Variants in RXRB observed in about 807,000 individuals in gnomAD.
RXRB encodes retinoid X receptor beta, also known as retinoic acid receptor RXR-beta.
A neutral mutation model predicts 52.5 loss-of-function variants in RXRB; 18 were observed. The observed-to-expected ratio is 0.34, with a 90% CI of 0.24 to 0.51. RXRB has a LOEUF of 0.51. RXRB is among the 20% of genes least tolerant of loss of function. The probability of loss-of-function intolerance (pLI) is 0.97; values close to 1 mark genes in which losing one functional copy is unlikely to be tolerated. For synonymous variants in RXRB, 233 were observed against 267.1 expected, an observed-to-expected ratio of 0.87 and a Z score of 1.25; for missense variants, 455 against 698.2, an observed-to-expected ratio of 0.65 and a Z score of 3.92.
chr6:33,200,201 A>G lies in RXRB; in HGVS notation c.235+41T>C. The G allele has an allele frequency of 6.3e-7, 1 of 1,598,002 alleles. No individual in the cohort carries two copies. Among genetic ancestry groups the G allele is most frequent in the Non-Finnish European group, 8.5e-7 (1 of 1,172,622 alleles). On this transcript the variant is annotated intron_variant, in intron 1 of 9. Coordinates refer to ENST00000374680, the MANE Select transcript of RXRB (RefSeq NM_021976.5). The surrounding 1 kb of genome is among the most constrained non-coding windows in gnomAD (Gnocchi z 6.3). ...GGTGTGGGGGAGGGGTCGCAGATAA[A>G]GCGGTCACTGGCTCGCCTGCCCTTC...
chr6:33,199,625 T>A, intron 1 of RXRB: 2 of 503,614 alleles, frequency 4.0e-6, no homozygotes, highest in Middle Eastern at 1.1e-3. Context: ...TAGTGGGTTA[T>A]CAGAACTTAT....
rs756980140 is a variant in RXRB at position 33,195,843 on chromosome 6, T to C, written c.1123+64A>G. ...CGCAAGGTAAGGCCACTGGGGTCACTAAAGATCGGGAAGTCAAAGAGGGGT... is the reference window on the plus strand; with the variant it reads ...CGCAAGGTAAGGCCACTGGGGTCACCAAAGATCGGGAAGTCAAAGAGGGGT... On this transcript the variant is annotated intron_variant, in intron 6 of 9. Transcript: ENST00000374680. The surrounding 1 kb of genome is among the most constrained non-coding windows in gnomAD (Gnocchi z 8.6). 11 of 1,606,244 alleles carry C rather than the reference T, an allele frequency of 6.8e-6. No homozygotes were observed. The highest frequency in any genetic ancestry group is 9.3e-6 in the Non-Finnish European group (11 of 1,177,748).
rs766172415 is a variant in RXRB at position 33,195,509 on chromosome 6, C to T, written c.1257-55G>A. 18 of 1,612,534 alleles carry T rather than the reference C, an allele frequency of 1.1e-5. No individual in the cohort carries two copies. The highest frequency in any genetic ancestry group is 1.6e-4 in the Middle Eastern group (1 of 6,082). ...GTCACAGCTCAGCCAGCCTTGGACACGGACCAGCCTATAGCCCCACCCCCT... is the reference window on the plus strand; with the variant it reads ...GTCACAGCTCAGCCAGCCTTGGACATGGACCAGCCTATAGCCCCACCCCCT... On this transcript the variant is annotated intron_variant, in intron 7 of 9. Transcript: ENST00000374680. The surrounding 1 kb of genome is among the most constrained non-coding windows in gnomAD (Gnocchi z 8.6).
Position 33,195,529 on chromosome 6 carries a change from C to T in RXRB, c.1256+41G>A. On this transcript the variant is annotated intron_variant, in intron 7 of 9. Transcript: ENST00000374680. The surrounding 1 kb of genome is among the most constrained non-coding windows in gnomAD (Gnocchi z 8.6). Reference sequence around the variant, plus strand: ...GGACACGGACCAGCCTATAGCCCCACCCCCTCTATCTACATGCCAGCCTAG... The same window carrying T: ...GGACACGGACCAGCCTATAGCCCCATCCCCTCTATCTACATGCCAGCCTAG... 2 of 1,613,030 alleles carry T rather than the reference C, an allele frequency of 1.2e-6. No individual in the cohort carries two copies. Among genetic ancestry groups the T allele is most frequent in the African/African-American group, 1.3e-5 (1 of 75,044 alleles).
intron 3 of RXRB, 130 bp downstream of exon 3, chr6:33,198,178 A>T: frequency 7.4e-7 from 1 of 1,350,488 alleles, no homozygotes; most frequent in Non-Finnish European, 1.1e-6. Flanking sequence ...TCTCAGCTTC[A>T]GCTTCTTTAC....
chr6:33,195,167 G>A lies in RXRB; in HGVS notation c.1349-117C>T. ...GGCTGCACTTGCTTGCCCTTTACCA[G>A]AGGCCTGGCAAGGGAAGCAGGGCCC... On this transcript the variant is annotated intron_variant, in intron 8 of 9. Coordinates refer to ENST00000374680, the MANE Select transcript of RXRB (RefSeq NM_021976.5). This position sits in a 1 kb window ranked among gnomAD's most constrained non-coding sequence, Gnocchi z 8.6. 1 of 851,798 alleles carries A rather than the reference G, an allele frequency of 1.2e-6. No individual in the cohort carries two copies. Among genetic ancestry groups the A allele is most frequent in the Non-Finnish European group, 1.9e-6 (1 of 515,660 alleles). 52.8% of individuals were successfully genotyped at this position (851,798 alleles called of 1,614,324 possible).
intron 1 of RXRB, chr6:33,199,731 A>G: frequency 2.3e-6 from 1 of 427,556 alleles, no homozygotes; most frequent in South Asian, 2.2e-5. Flanking sequence ...CATTGTGGTG[A>G]GAGGAGGGAG....
Position 33,200,398 on chromosome 6 carries a change from CT to C in RXRB, c.78del (p.Glu27LysfsTer153). On this transcript the variant is annotated frameshift_variant, in exon 1 of 10. Coordinates refer to ENST00000374680, the MANE Select transcript of RXRB (RefSeq NM_021976.5). LOFTEE classifies it high-confidence loss of function. This position sits in a 1 kb window ranked among gnomAD's most constrained non-coding sequence, Gnocchi z 6.3. Reference protein sequence around the residue: ...AGQCGPVGVRKEMHCGVASRW... With the variant: ...AGQCGPVGVRXEMHCGVASRW... ...CGGGACGCGACCCCACAATGCATTT[CT>C]TTTCGCACCCCCACCGGCCCACACT... is the stretch of plus-strand genomic sequence containing the variant. 6.4e-7 allele frequency: 1 copy of C among 1,567,258 alleles called. No individual in the cohort carries two copies. Among genetic ancestry groups the C allele is most frequent in the Non-Finnish European group, 8.6e-7 (1 of 1,158,068 alleles).
Position 33,199,393 on chromosome 6 carries a change from A to G in RXRB, c.259T>C (p.Ser87Pro), listed in dbSNP as rs1015526200. 8.0e-7 allele frequency: 1 copy of G among 1,251,908 alleles called. No homozygotes were observed. The highest frequency in any genetic ancestry group is 1.0e-6 in the Non-Finnish European group (1 of 989,924). The allele number at this position is 1,251,908 out of a possible 1,614,324, so 77.5% of individuals were successfully genotyped here. ...ACTCCCTGGGGAAGGGGATTTGGGG[A>G]GGAGCTGTCTGGGCTTCGGGAGTCT... ...GRDSRSPDSS[S>P]PNPLPQGVPP... The change falls in exon 2 of 10, where the codon TCC (serine) becomes CCC (proline). Residue 87 changes from serine (S) to proline (P), a missense_variant. Physicochemically the swap from Ser to Pro is moderately conservative, Grantham distance 74 (BLOSUM62 -1). Transcript: ENST00000374680.
At position 33,196,529 on chromosome 6, in the gene RXRB, G is replaced by A; in HGVS notation, c.898C>T (p.Pro300Ser). 6.2e-7 allele frequency: 1 copy of A among 1,612,838 alleles called. No individual in the cohort carries two copies. Among genetic ancestry groups the A allele is most frequent in the South Asian group, 1.1e-5 (1 of 91,078 alleles). ...TCTGCCTCCAGGATCCTGTCCACAG[G>A]CATCTCCTCGGGGGCTCCCCCAGCC... ...EGAGGAPEEMPVDRILEAELA... is the reference protein window; with the variant it reads ...EGAGGAPEEMSVDRILEAELA... The change falls in exon 5 of 10, where the codon CCT (proline) becomes TCT (serine). Residue 300 changes from proline to serine, a missense_variant. This residue lies in a region of RXRB where 100 missense variants were observed against 141.9 expected (regional missense o/e 0.70). Coordinates refer to ENST00000374680, the MANE Select transcript of RXRB (RefSeq NM_021976.5). The surrounding 1 kb of genome is among the most constrained non-coding windows in gnomAD (Gnocchi z 4.0).
In RXRB at chr6:33,194,959, A is replaced by T; in HGVS notation, c.1440T>A (p.Pro480=). ...SLETYCKQKY[P]EQQGRFAKLL... ...CCCCATCTCACCGTCCCTGCTGCTC[A>T]GGGTACTTCTGTTTGCAGTAGGTCT... The change falls in exon 9 of 10, where the codon CCT becomes CCA. Residue 480 remains proline (P), a synonymous_variant. Coordinates refer to ENST00000374680, the MANE Select transcript of RXRB (RefSeq NM_021976.5). The surrounding 1 kb of genome is among the most constrained non-coding windows in gnomAD (Gnocchi z 4.1). 1 of 1,612,650 alleles carries T rather than the reference A, an allele frequency of 6.2e-7. No homozygotes were observed. Among genetic ancestry groups the T allele is most frequent in the African/African-American group, 1.3e-5 (1 of 74,998 alleles).
rs1774024240 is a variant in RXRB, at chr6:33,197,719, A to G, written c.820+43T>C. The G allele has an allele frequency of 6.3e-7, 1 of 1,591,704 alleles. No individual in the cohort carries two copies. Among genetic ancestry groups the G allele is most frequent in the Non-Finnish European group, 8.6e-7 (1 of 1,162,146 alleles). On this transcript the variant is annotated intron_variant, in intron 4 of 9. Coordinates refer to ENST00000374680, the MANE Select transcript of RXRB (RefSeq NM_021976.5). This position sits in a 1 kb window ranked among gnomAD's most constrained non-coding sequence, Gnocchi z 4.4. The stretch of plus-strand genomic sequence containing the variant: ...ACACAGTCTGAGTGGGATAAGGGAG[A>G]AGGGCATGTGGTCTAAGACGCCTGG...
At position 33,197,625 on chromosome 6, in the gene RXRB, T is replaced by C; in HGVS notation, c.820+137A>G. On this transcript the variant is annotated intron_variant, in intron 4 of 9. Coordinates refer to ENST00000374680, the MANE Select transcript of RXRB (RefSeq NM_021976.5). This position sits in a 1 kb window ranked among gnomAD's most constrained non-coding sequence, Gnocchi z 4.4. ...AGAACAGGGTAACAGGGAGGAGAGC[T>C]GCGAAGGGAGAGAGAAATCAAATAT... The C allele has an allele frequency of 1.3e-6, 1 of 793,976 alleles. No homozygotes were observed. Among genetic ancestry groups the C allele is most frequent in the Non-Finnish European group, 2.0e-6 (1 of 508,436 alleles). 49.2% of individuals were successfully genotyped at this position (793,976 alleles called of 1,614,324 possible). A position where few individuals can be genotyped will look rare whatever the true frequency, so the allele number is the denominator to read the frequency against.
chr6:33,199,872 C>A lies in RXRB; in HGVS notation c.235+370G>T, dbSNP rs934883813. ...GCACGTGGGGTAGACCATCGAGCCC[C>A]TCTATTCCCAGCGTAAAGCCAGGTA... On this transcript the variant is annotated intron_variant, in intron 1 of 9. Transcript: ENST00000374680. The A allele has an allele frequency of 1.6e-5, 10 of 636,070 alleles. No individual in the cohort carries two copies. The African/African-American group carries it at 1.8e-4, about 11-fold the overall frequency. 39.4% of individuals were successfully genotyped at this position (636,070 alleles called of 1,614,324 possible).
chr6:33,196,261 G>T lies in RXRB; in HGVS notation c.993+173C>A. 1.1e-6 allele frequency: 1 copy of T among 913,506 alleles called. No individual in the cohort carries two copies. The highest frequency in any genetic ancestry group is 1.8e-6 in the Non-Finnish European group (1 of 558,398). The allele number at this position is 913,506 out of a possible 1,614,324, so 56.6% of individuals were successfully genotyped here. Reference sequence around the variant, plus strand: ...GTTGTTTGGGGAGTGGAGACAGAAGGAGCTATCACATCCACCTCAGATGTT... The same window carrying T: ...GTTGTTTGGGGAGTGGAGACAGAAGTAGCTATCACATCCACCTCAGATGTT... On this transcript the variant is annotated intron_variant, in intron 5 of 9. Transcript: ENST00000374680. This position sits in a 1 kb window ranked among gnomAD's most constrained non-coding sequence, Gnocchi z 4.0.
chr6:33,198,121 AC>A (rs1774062125), intron 3 of RXRB, among the ~76,000 whole-genome samples, 180 bp from the exon 4 acceptor site: 1 of 152,148 alleles, frequency 6.6e-6, no homozygotes, highest in African/African-American at 2.4e-5. Flanking sequence ...GAAACCCTAC[AC>A]GCTGCTTCCT....
In RXRB at chr6:33,197,798, A is replaced by G; in HGVS notation, c.784T>C (p.Tyr262His). The G allele has an allele frequency of 6.2e-7, 1 of 1,614,006 alleles. No homozygotes were observed. The highest frequency in any genetic ancestry group is 8.5e-7 in the Non-Finnish European group (1 of 1,180,034). The change falls in exon 4 of 10, where the codon TAT (tyrosine) becomes CAT (histidine). Residue 262 changes from tyrosine to histidine, a missense_variant. Physicochemically the swap from Tyr to His is moderately conservative, Grantham distance 83 (BLOSUM62 2). Coordinates refer to ENST00000374680, the MANE Select transcript of RXRB (RefSeq NM_021976.5). The surrounding 1 kb of genome is among the most constrained non-coding windows in gnomAD (Gnocchi z 4.4). Reference sequence around the variant, plus strand: ...ATGCCAGTGGCCAGGCACTTCTGATAGCGGCAGTACTGACAGCGGTTCCGC... The same window carrying G: ...ATGCCAGTGGCCAGGCACTTCTGATGGCGGCAGTACTGACAGCGGTTCCGC... ...RQRNRCQYCR[Y>H]QKCLATGMKR...
intron 2 of RXRB, among the ~76,000 whole-genome samples, chr6:33,198,821 G>A (rs1474624357): frequency 1.3e-5 from 2 of 150,944 alleles, no homozygotes; most frequent in Non-Finnish European, 2.9e-5. Context: ...GGCTGAGGCA[G>A]GAGAATTGCT....
chr6:33,194,404 C>G lies in RXRB; in HGVS notation c.*278G>C. 2.2e-6 allele frequency: 1 copy of G among 451,872 alleles called. No homozygotes were observed. Among genetic ancestry groups the G allele is most frequent in the Non-Finnish European group, 3.9e-6 (1 of 254,096 alleles). The allele number at this position is 451,872 out of a possible 1,614,324, so 28.0% of individuals were successfully genotyped here. A position where few individuals can be genotyped will look rare whatever the true frequency, so the allele number is the denominator to read the frequency against. On this transcript the variant is annotated 3_prime_UTR_variant, in exon 10 of 10. Transcript: ENST00000374680. The surrounding 1 kb of genome is among the most constrained non-coding windows in gnomAD (Gnocchi z 4.1). ...CCAGTGCTTTGTGCTGGGGGAAGGA[C>G]AGAGGGTGAGAAATCACCCCAAATC...
Sources: gnomAD v4.1 joint callset for allele counts (sites outside exome capture counted in the v4.1 genomes callset) on GRCh38, gnomAD v4.1.1 for gene constraint, gnomAD v4.1.1 regional missense constraint, Gnocchi (gnomAD v3.1) non-coding constraint, MANE v1.5 for transcripts, NCBI Gene and HGNC (gene_info 2026-07-23, HGNC 2026-07-21) for gene names.